Variants in MEGF11 observed in about 807,000 individuals in gnomAD.
MEGF11 encodes multiple EGF like domains 11, also known as multiple epidermal growth factor-like domains protein 11.
Under a neutral mutation model 146.6 loss-of-function variants are expected in MEGF11, and 126 were observed. That is an observed-to-expected ratio of 0.86 (90% CI 0.74 to 1.00). MEGF11 has a LOEUF of 1.00. Among genes scored for constraint, MEGF11 ranks in the 50% least tolerant of loss-of-function variants. The pLI is 0.00. For synonymous variants in MEGF11, 532 were observed against 583.4 expected (o/e 0.91, Z 1.27); for missense variants, 1,509 against 1,521.2 (o/e 0.99, Z 0.13).
chr15:65,988,240 C>T (rs1776404739), intron 5 of MEGF11, among the ~76,000 whole-genome samples: 1 of 151,978 alleles, frequency 6.6e-6, no homozygotes, highest in African/African-American at 2.4e-5. Context: ...AACTCCTGGG[C>T]TCATCGATCT....
At chr15:65,955,757 A>T (rs1377788341) in intron 10 of MEGF11, among the ~76,000 whole-genome samples, 198 of 13,598 alleles carry the variant, frequency 0.015, 8 homozygotes, top group Non-Finnish European at 0.018. Flanking sequence ...AAAAAAAAAA[A>T]AAAAATATAT....
chr15:66,251,305 A>C (rs2092367039), intron 1 of MEGF11, among the ~76,000 whole-genome samples: 1 of 152,168 alleles, frequency 6.6e-6, no homozygotes, highest in South Asian at 2.1e-4. Flanking sequence ...ATCAGCTCCT[A>C]ATCTTGCCTT....
At chr15:66,186,849 A>G (rs762913523) in intron 1 of MEGF11, among the ~76,000 whole-genome samples, 1 of 152,254 alleles carries the variant, frequency 6.6e-6, no homozygotes, top group African/African-American at 2.4e-5. Flanking sequence ...CAGAAAAGTC[A>G]AGAAACTTGC....
chr15:66,179,264 C>T (rs1049119286), intron 1 of MEGF11, among the ~76,000 whole-genome samples: 2 of 152,182 alleles, frequency 1.3e-5, no homozygotes. Flanking sequence ...TCCTGAGCAG[C>T]TGGGACTACT....
At chr15:66,144,251 C>T (rs2089281622) in intron 1 of MEGF11, among the ~76,000 whole-genome samples, 4 of 152,226 alleles carry the variant, frequency 2.6e-5, no homozygotes, top group South Asian at 2.1e-4. Context: ...AGCTGGGCAT[C>T]GGTGTTGTCC....
intron 1 of MEGF11, among the ~76,000 whole-genome samples, chr15:66,248,467 T>C (rs761831434): frequency 6.6e-6 from 1 of 152,264 alleles, no homozygotes; most frequent in African/African-American, 2.4e-5. Context: ...CCTGCCCTCA[T>C]TGTGCCTATC....
chr15:65,937,115 G>T (rs576082279), intron 10 of MEGF11, among the ~76,000 whole-genome samples: 5 of 152,232 alleles, frequency 3.3e-5, no homozygotes, highest in African/African-American at 1.2e-4. Context: ...AAGTGGGCCC[G>T]CAAGGCAGAG....
chr15:65,904,246 G>C (rs2078565594), intron 24 of MEGF11, among the ~76,000 whole-genome samples: 1 of 152,168 alleles, frequency 6.6e-6, no homozygotes, highest in South Asian at 2.1e-4. Context: ...AGAGCTTTCT[G>C]CCCAATCCTT....
intron 1 of MEGF11, among the ~76,000 whole-genome samples, chr15:66,252,196 C>A (rs946393171): frequency 3.3e-5 from 5 of 151,850 alleles, no homozygotes; most frequent in Non-Finnish European, 7.4e-5. Flanking sequence ...CCGATTGCCC[C>A]AGCCGGCCGC....
rs952240938 is a variant in MEGF11 at position 65,915,539 on chromosome 15, AGTT to A, written c.2401_2403del (p.Asn801del). The A allele has an allele frequency of 6.2e-7, 1 of 1,613,782 alleles. No individual in the cohort carries two copies. Among genetic ancestry groups the A allele is most frequent in the Non-Finnish European group, 8.5e-7 (1 of 1,179,882 alleles). On this transcript the variant is annotated inframe_deletion, in exon 19 of 26. Coordinates refer to ENST00000395614, the MANE Select transcript of MEGF11 (RefSeq NM_001385028.1). Reference sequence around the variant, plus strand: ...GTGCCGGTGACATGGTCACAGGTGGAGTTGTTCATGCACTCACATAGCTGCTGA... The same window carrying A: ...GTGCCGGTGACATGGTCACAGGTGGAGTTCATGCACTCACATAGCTGCTGA...
chr15:66,003,779 C>T (rs968431413), intron 5 of MEGF11, among the ~76,000 whole-genome samples: 8 of 152,306 alleles, frequency 5.3e-5, no homozygotes, highest in Non-Finnish European at 7.4e-5. Flanking sequence ...CAGGCCCAGC[C>T]TTCCCACTGC....
At chr15:66,194,401 G>A (rs574586607) in intron 1 of MEGF11, among the ~76,000 whole-genome samples, 1 of 152,138 alleles carries the variant, frequency 6.6e-6, no homozygotes, top group Non-Finnish European at 1.5e-5. Context: ...CTGAGGTCAG[G>A]AGTTCAAGAC....
intron 14 of MEGF11, 73 bp from the exon 15 acceptor site, chr15:65,922,545 C>T (rs2141257696): frequency 1.4e-6 from 2 of 1,471,932 alleles, no homozygotes; most frequent in South Asian, 1.4e-5. Flanking sequence ...TCCTGTTCCA[C>T]ACTTCTCAGA....
At chr15:66,216,357 G>A (rs1319347912) in intron 1 of MEGF11, among the ~76,000 whole-genome samples, 1 of 152,128 alleles carries the variant, frequency 6.6e-6, no homozygotes, top group Non-Finnish European at 1.5e-5. Flanking sequence ...CCCTATCATT[G>A]CCCTAAGGAG....
intron 7 of MEGF11, among the ~76,000 whole-genome samples, chr15:65,973,482 T>C (rs1014932320): frequency 7.2e-5 from 11 of 152,202 alleles, no homozygotes; most frequent in Admixed American, 1.3e-4. Context: ...AAACTGGACA[T>C]GGTGGCACCT....
chr15:66,170,285 A>G lies in MEGF11; in HGVS notation c.-8-41874T>C, dbSNP rs569298590. On this transcript the variant is annotated intron_variant, in intron 1 of 25. Coordinates refer to ENST00000395614, the MANE Select transcript of MEGF11 (RefSeq NM_001385028.1). Reference sequence around the variant, plus strand: ...CTCAGCCTGCCAGGGGCGTTTCCAGAGAGGAGAGCTCTTCTGGATATTTTG... The same window carrying G: ...CTCAGCCTGCCAGGGGCGTTTCCAGGGAGGAGAGCTCTTCTGGATATTTTG... 3.7e-4 allele frequency among the ~76,000 whole-genome samples: 56 copies of G among 152,220 alleles called. 1 individual carries two copies. Among genetic ancestry groups the G allele is most frequent in the Admixed American group, 6.5e-4 (10 of 15,294 alleles).
chr15:66,147,317 G>A (rs1002400162), intron 1 of MEGF11, among the ~76,000 whole-genome samples: 2 of 152,208 alleles, frequency 1.3e-5, no homozygotes, highest in Admixed American at 6.5e-5. Flanking sequence ...CTCCCAGGGA[G>A]TAAAGCCATG....
At chr15:65,986,793 C>CTTTTTTTTTTTT (rs34991788) in intron 5 of MEGF11, among the ~76,000 whole-genome samples, 1 of 121,332 alleles carries the variant, frequency 8.2e-6, no homozygotes, top group Non-Finnish European at 1.7e-5. Context: ...CTGATTTTTC[C>CTTTTTTTTTTTT]TTTTTTTTTT....
intron 1 of MEGF11, among the ~76,000 whole-genome samples, chr15:66,167,086 T>C (rs1256879760): frequency 6.6e-6 from 1 of 152,126 alleles, no homozygotes; most frequent in Non-Finnish European, 1.5e-5. Flanking sequence ...CTTACAGCCC[T>C]GCCTTTCATA....
Sources: allele counts gnomAD v4.1 joint callset (sites outside exome capture counted in the v4.1 genomes callset), GRCh38; gene constraint gnomAD v4.1.1; transcripts MANE v1.5; gene names NCBI Gene and HGNC (gene_info 2026-07-23, HGNC 2026-07-21).